SLC15A4: variants seen among roughly 807,000 people sequenced by gnomAD.
The protein encoded by SLC15A4 is solute carrier family 15 member 4, also known as hPHT1.
A neutral mutation model predicts 46.1 loss-of-function variants in SLC15A4; 26 were observed. The observed-to-expected ratio is 0.56, with a 90% CI of 0.41 to 0.78. SLC15A4 has a LOEUF of 0.78. SLC15A4 is among the 30% of genes least tolerant of loss of function. The pLI, the probability that SLC15A4 is intolerant of heterozygous loss-of-function variation, is 0.00. For missense variants in SLC15A4, 751 were observed against 755.7 expected (o/e 0.99, Z 0.07); for synonymous variants, 370 against 333.4 (o/e 1.11, Z -1.20).
rs753490290 is a variant in SLC15A4 at position 128,808,941 on chromosome 12, G to A, written c.1105C>T (p.Leu369=). 1.1e-5 allele frequency: 17 copies of A among 1,613,908 alleles called. No individual in the cohort carries two copies. In the South Asian group the frequency reaches 1.9e-4, roughly 18 times the overall value. ...TTPHTLPAAW[L]TMFDAVLILL... ...ATGAGCACAGCATCAAACATGGTCA[G>A]CCAGGCTGCAGGGAGCTGGGGTGAA... The change falls in exon 5 of 8, where the codon CTG becomes TTG. Residue 369 remains leucine, a synonymous_variant. Coordinates refer to ENST00000266771, the MANE Select transcript of SLC15A4 (RefSeq NM_145648.4).
At chr12:128,816,233 C>T (rs931098239) in intron 1 of SLC15A4, among the ~76,000 whole-genome samples, 5 of 152,204 alleles carry the variant, frequency 3.3e-5, no homozygotes, top group African/African-American at 1.2e-4. Context: ...GCAGACACAC[C>T]AGAAGCCTTC....
chr12:128,801,283 T>G, intron 5 of SLC15A4: 1 of 290,086 alleles, frequency 3.4e-6, no homozygotes, highest in South Asian at 6.3e-5. Context: ...CATTTAATCC[T>G]CAAATATCTG....
intron 5 of SLC15A4, among the ~76,000 whole-genome samples, chr12:128,804,378 T>C (rs1955554226): frequency 6.6e-6 from 1 of 152,176 alleles, no homozygotes; most frequent in Non-Finnish European, 1.5e-5. Flanking sequence ...AAAGTAGTAA[T>C]AACAAGCAAA....
chr12:128,803,505 C>T (rs1037926488), intron 5 of SLC15A4, among the ~76,000 whole-genome samples: 2 of 152,122 alleles, frequency 1.3e-5, no homozygotes, highest in African/African-American at 4.8e-5. Flanking sequence ...AGACAACTGG[C>T]AGAGCTGAGG....
chr12:128,819,019 T>C (rs142654590), intron 1 of SLC15A4, among the ~76,000 whole-genome samples: 63 of 152,344 alleles, frequency 4.1e-4, no homozygotes, highest in Non-Finnish European at 6.8e-4. Context: ...TTATCTTTCA[T>C]TTAAAAAAAT....
At chr12:128,814,276 T>C (rs1955713189) in intron 2 of SLC15A4, 1 of 233,766 alleles carries the variant, frequency 4.3e-6, no homozygotes, top group African/African-American at 2.4e-5. Context: ...CTGACCGCCG[T>C]ATGATGGACC....
chr12:128,817,467 A>T (rs1052533368), intron 1 of SLC15A4, among the ~76,000 whole-genome samples: 2 of 152,258 alleles, frequency 1.3e-5, no homozygotes, highest in African/African-American at 4.8e-5. Flanking sequence ...TAATAGAGGC[A>T]CAAATGATTT....
At position 128,799,421 on chromosome 12, in the gene SLC15A4, A is replaced by G; in HGVS notation, c.1415-4T>C. The G allele has an allele frequency of 6.2e-7, 1 of 1,613,956 alleles. No homozygotes were observed. ...GCTGAGTATGCAAATTCCAGGCCTG[A>G]GGAAAGAAAAGGGAGGGTCGTTTTT... On this transcript the variant is annotated splice_polypyrimidine_tract_variant and splice_region_variant and intron_variant, in intron 6 of 7. Transcript: ENST00000266771.
At chr12:128,807,732 G>A (rs1566050529) in intron 5 of SLC15A4, among the ~76,000 whole-genome samples, 2 of 152,256 alleles carry the variant, frequency 1.3e-5, no homozygotes, top group African/African-American at 2.4e-5. Context: ...CTCTGGAAGA[G>A]AAGCTGAATT....
chr12:128,805,481 G>C (rs10773578), intron 5 of SLC15A4, among the ~76,000 whole-genome samples: 14,416 of 152,114 alleles, frequency 0.095, 929 homozygotes, highest in Admixed American at 0.2. Flanking sequence ...AAAAGGTAGA[G>C]AACCTAAAGA....
chr12:128,817,801 G>C (rs1019091429), intron 1 of SLC15A4, among the ~76,000 whole-genome samples: 1 of 152,228 alleles, frequency 6.6e-6, no homozygotes, highest in Admixed American at 6.5e-5. Context: ...AGGCATTTCT[G>C]TACCAAGGGA....
intron 7 of SLC15A4, among the ~76,000 whole-genome samples, chr12:128,797,665 G>A (rs1430437698): frequency 6.6e-6 from 1 of 152,220 alleles, no homozygotes; most frequent in African/African-American, 2.4e-5. Flanking sequence ...TGGTGAGGTA[G>A]GGCCAGGGAT....
At chr12:128,799,693 T>C (rs1667867571) in intron 6 of SLC15A4, among the ~76,000 whole-genome samples, 1 of 152,220 alleles carries the variant, frequency 6.6e-6, no homozygotes, top group Non-Finnish European at 1.5e-5. Flanking sequence ...TTAAAGGTAA[T>C]GTGATTTGTT....
intron 1 of SLC15A4, among the ~76,000 whole-genome samples, chr12:128,817,917 G>A (rs913854926): frequency 2.0e-5 from 3 of 152,188 alleles, no homozygotes; most frequent in Admixed American, 6.5e-5. Flanking sequence ...CTGCAGCTAC[G>A]TGCCCTACCA....
In SLC15A4 at chr12:128,823,944, G is replaced by A; in HGVS notation, c.-1C>T. 5.6e-6 allele frequency: 3 copies of A among 531,650 alleles called. No individual in the cohort carries two copies. The highest frequency in any genetic ancestry group is 7.2e-6 in the Non-Finnish European group (3 of 415,166). The allele number at this position is 531,650 out of a possible 1,614,324, so 32.9% of individuals were successfully genotyped here. ...CCGCACCGCCCCCAGAGCCCTCCAT[G>A]CGACGCCGCCAGCTGCCTCGCCCCG... On this transcript the variant is annotated 5_prime_UTR_variant, in exon 1 of 8. Transcript: ENST00000266771.
At chr12:128,794,479 T>C in intron 7 of SLC15A4, 123 bp from the exon 8 acceptor site, 1 of 985,240 alleles carries the variant, frequency 1.0e-6, no homozygotes, top group Non-Finnish European at 1.5e-6. Flanking sequence ...GTAACAAATG[T>C]TGTCTCTGTA....
chr12:128,795,469 C>T (rs1244092947), intron 7 of SLC15A4, among the ~76,000 whole-genome samples: 3 of 152,166 alleles, frequency 2.0e-5, no homozygotes, highest in African/African-American at 4.8e-5. Context: ...GGCTTGAATC[C>T]GGCCTCTGAG....
rs1029183471 is a variant in SLC15A4 at position 128,807,767 on chromosome 12, C to A, written c.1258+1021G>T. 3.3e-5 allele frequency among the ~76,000 whole-genome samples: 5 copies of A among 152,248 alleles called. No homozygotes were observed. The East Asian group carries it at 9.6e-4, about 29-fold the overall frequency. On this transcript the variant is annotated intron_variant, in intron 5 of 7. Coordinates refer to ENST00000266771, the MANE Select transcript of SLC15A4 (RefSeq NM_145648.4). The stretch of plus-strand genomic sequence containing the variant: ...TATAAAGAAGGCACAGCAAAAACTT[C>A]ATTCAGACACGACCTCACTTTAATT...
intron 1 of SLC15A4, 38 bp from the exon 2 acceptor site, chr12:128,815,108 GACAGTCTTCAAGGATGAAA>G (rs1955733450): frequency 1.3e-6 from 2 of 1,578,040 alleles, no homozygotes; most frequent in Non-Finnish European, 1.7e-6. Context: ...GAAAATATAT[GACAGTCTTCAAGGATGAAA>G]ACCATATACG....
Sources: allele counts gnomAD v4.1 joint callset (sites outside exome capture counted in the v4.1 genomes callset), GRCh38; gene constraint gnomAD v4.1.1; transcripts MANE v1.5; gene names NCBI Gene and HGNC (gene_info 2026-07-23, HGNC 2026-07-21).